Variants in STK4 observed in about 807,000 individuals in gnomAD.
The protein encoded by STK4 is serine/threonine kinase 4.
STK4 carries 30 observed loss-of-function variants against 64.9 expected under a neutral mutation model. The observed-to-expected ratio is 0.46, with a 90% CI of 0.35 to 0.63. The LOEUF is 0.63. STK4 is among the 20% of genes least tolerant of loss of function. STK4 has a pLI of 0.01. For synonymous variants in STK4, 177 were observed against 199.0 expected, an observed-to-expected ratio of 0.89 and a Z score of 0.93; for missense variants, 466 against 598.5, an observed-to-expected ratio of 0.78 and a Z score of 2.31.
intron 5 of STK4, among the ~76,000 whole-genome samples, chr20:44,987,982 T>C (rs1568693100): frequency 6.8e-6 from 1 of 147,398 alleles, no homozygotes; most frequent in Non-Finnish European, 1.5e-5. Flanking sequence ...TTTTTTATTA[T>C]TTTTTTTTTA....
rs568678038 is a variant in STK4 at position 45,005,048 on chromosome 20, G to A, written c.1147+3695G>A. ...GGCCTCCCAAAGTGCTGGGATTACA[G>A]GCATGAGCCACCGCGCCCAGCCTCC... On this transcript the variant is annotated intron_variant, in intron 9 of 10. Coordinates refer to ENST00000372806, the MANE Select transcript of STK4 (RefSeq NM_006282.5). 8.3e-4 allele frequency among the ~76,000 whole-genome samples: 127 copies of A among 152,120 alleles called. 1 individual carries two copies. The highest frequency in any genetic ancestry group is 4.1e-3 in the South Asian group (20 of 4,824).
At chr20:45,023,780 G>A (rs2068291616) in intron 9 of STK4, among the ~76,000 whole-genome samples, 1 of 151,856 alleles carries the variant, frequency 6.6e-6, no homozygotes, top group Non-Finnish European at 1.5e-5. Context: ...ATGGTTTGAG[G>A]CCCCATCTAA....
chr20:45,067,977 T>A (rs559579392), intron 10 of STK4, among the ~76,000 whole-genome samples: 1 of 152,320 alleles, frequency 6.6e-6, no homozygotes, highest in East Asian at 1.9e-4. Flanking sequence ...CAGCAGCTAT[T>A]ATTTACATTA....
At chr20:45,002,227 AC>A (rs2067854410) in intron 9 of STK4, among the ~76,000 whole-genome samples, 1 of 152,236 alleles carries the variant, frequency 6.6e-6, no homozygotes, top group African/African-American at 2.4e-5. Flanking sequence ...GTGTAATACA[AC>A]TAGGCCAACC....
rs186696696 is a variant in STK4, at chr20:45,009,860, T to C, written c.1147+8507T>C. Reference sequence around the variant, plus strand: ...CATTGTTTGTGTATAGAAATGCTACTGATTTTTGTACATTTTTTTATCCTG... The same window carrying C: ...CATTGTTTGTGTATAGAAATGCTACCGATTTTTGTACATTTTTTTATCCTG... On this transcript the variant is annotated intron_variant, in intron 9 of 10. Coordinates refer to ENST00000372806, the MANE Select transcript of STK4 (RefSeq NM_006282.5). 7.1e-3 allele frequency among the ~76,000 whole-genome samples: 1,074 copies of C among 152,304 alleles called. 9 individuals are homozygous for C. Among genetic ancestry groups the C allele is most frequent in the Middle Eastern group, 0.014 (4 of 294 alleles).
At chr20:44,972,309 T>C in intron 2 of STK4, 151 bp downstream of exon 2, 1 of 667,848 alleles carries the variant, frequency 1.5e-6, no homozygotes, top group Non-Finnish European at 2.7e-6. Context: ...TTTACTCCAA[T>C]CCCTATTATA....
At chr20:45,001,502 A>G (rs2067841335) in intron 9 of STK4, 149 bp downstream of exon 9, 2 of 946,612 alleles carry the variant, frequency 2.1e-6, no homozygotes, top group Non-Finnish European at 2.9e-6. Context: ...TGCGATGGGG[A>G]CAGGAGGTTT....
intron 10 of STK4, among the ~76,000 whole-genome samples, chr20:45,068,109 G>A (rs1183647623): frequency 2.6e-5 from 4 of 152,064 alleles, no homozygotes; most frequent in Non-Finnish European, 2.9e-5. Context: ...CCTCACAACC[G>A]CTGTTGTAGA....
rs577939954 is a variant in STK4 at position 45,030,650 on chromosome 20, G to A, written c.1305+5520G>A. Among the ~76,000 whole-genome samples, 3 of 152,206 alleles carry A rather than the reference G, an allele frequency of 2.0e-5. No individual in the cohort carries two copies. The South Asian group carries it at 6.2e-4, about 32-fold the overall frequency. On this transcript the variant is annotated intron_variant, in intron 10 of 10. Transcript: ENST00000372806. ...GTGAATTGCCTGTTTGCCAAGTTGA[G>A]AAACCCCTCCAAAAATTTCTAATAG...
Position 45,036,589 on chromosome 20 carries a change from C to A in STK4, c.1305+11459C>A, listed in dbSNP as rs1339820637. Reference sequence around the variant, plus strand: ...TCTTTTAAGAGAAGAGGTGAAAGTTCTTGACCAAAAATAAGGGGGGAAAAA... The same window carrying A: ...TCTTTTAAGAGAAGAGGTGAAAGTTATTGACCAAAAATAAGGGGGGAAAAA... On this transcript the variant is annotated intron_variant, in intron 10 of 10. Transcript: ENST00000372806. Among the ~76,000 whole-genome samples, 6 of 152,186 alleles carry A rather than the reference C, an allele frequency of 3.9e-5. No homozygotes were observed. The South Asian group carries it at 1.2e-3, about 32-fold the overall frequency.
At chr20:45,055,578 T>C (rs1278046713) in intron 10 of STK4, among the ~76,000 whole-genome samples, 1 of 152,152 alleles carries the variant, frequency 6.6e-6, no homozygotes, top group Non-Finnish European at 1.5e-5. Context: ...TCCTTGCTAC[T>C]GCACATTAAC....
At position 45,019,709 on chromosome 20, in the gene STK4, A is replaced by G. The variant is rs2068209071; in HGVS notation, c.1148-5264A>G. 3.3e-5 allele frequency among the ~76,000 whole-genome samples: 5 copies of G among 152,312 alleles called. No individual in the cohort carries two copies. In the South Asian group the frequency reaches 1.0e-3, roughly 32 times the overall value. Reference sequence around the variant, plus strand: ...TTTCTCTCTTCAGTCCATTCTTTCTACGGCTTTAGGTTTCTTGTATTATCA... The same window carrying G: ...TTTCTCTCTTCAGTCCATTCTTTCTGCGGCTTTAGGTTTCTTGTATTATCA... On this transcript the variant is annotated intron_variant, in intron 9 of 10. Coordinates refer to ENST00000372806, the MANE Select transcript of STK4 (RefSeq NM_006282.5).
chr20:45,011,825 ATC>A (rs2068056609), intron 9 of STK4, among the ~76,000 whole-genome samples: 1 of 149,168 alleles, frequency 6.7e-6, no homozygotes, highest in Non-Finnish European at 1.5e-5. Flanking sequence ...CCTGATATAG[ATC>A]AGGAATTTGT....
In STK4 at chr20:45,024,995, T is replaced by C. The variant is rs2068319036; in HGVS notation, c.1170T>C (p.Pro390=). 5 of 1,611,828 alleles carry C rather than the reference T, an allele frequency of 3.1e-6. No individual in the cohort carries two copies. Among genetic ancestry groups the C allele is most frequent in the Middle Eastern group, 1.7e-4 (1 of 6,052 alleles). ...CAGGAAGGGATGAGACCATGCAGCC[T>C]GCGAAACCATCCTTTCTTGAATATT... ...TMKRRDETMQ[P]AKPSFLEYFE... is the part of the protein sequence containing the mutation. The change falls in exon 10 of 11, where the codon CCT becomes CCC. Residue 390 remains proline (P), a synonymous_variant. Transcript: ENST00000372806.
intron 10 of STK4, among the ~76,000 whole-genome samples, chr20:45,030,014 C>G (rs1408163444): frequency 6.6e-6 from 1 of 151,916 alleles, no homozygotes; most frequent in Non-Finnish European, 1.5e-5. Flanking sequence ...AAATAAAGAG[C>G]TAGTCCTTTG....
In STK4 at chr20:45,075,177, G is replaced by A. The variant is rs756602209; in HGVS notation, c.*1G>A. The A allele has an allele frequency of 7.4e-6, 12 of 1,613,166 alleles. No individual in the cohort carries two copies. The South Asian group carries it at 1.1e-4, about 15-fold the overall frequency. On this transcript the variant is annotated 3_prime_UTR_variant, in exon 11 of 11. Transcript: ENST00000372806. ...GAAGAGACGGCAACAAAACTTCTGAGCAAGGCCAGGCTGTGAGGGCCCCAG... is the reference window on the plus strand; with the variant it reads ...GAAGAGACGGCAACAAAACTTCTGAACAAGGCCAGGCTGTGAGGGCCCCAG...
chr20:44,997,358 C>G (rs754395990), intron 7 of STK4, 52 bp downstream of exon 7: 4 of 1,537,390 alleles, frequency 2.6e-6, no homozygotes, highest in Admixed American at 2.1e-5. Context: ...ACTTGCTGAC[C>G]AAAAGATGCC....
intron 6 of STK4, among the ~76,000 whole-genome samples, 159 bp downstream of exon 6, chr20:44,995,416 GC>G (rs2067710377): frequency 6.6e-6 from 1 of 151,980 alleles, no homozygotes; most frequent in Non-Finnish European, 1.5e-5. Context: ...GACCAACCTG[GC>G]CAACATGGTG....
intron 9 of STK4, among the ~76,000 whole-genome samples, chr20:45,010,819 T>G (rs1052781366): frequency 2.6e-5 from 4 of 152,176 alleles, no homozygotes; most frequent in Non-Finnish European, 4.4e-5. Context: ...TTACTCTACA[T>G]ATGTCCTCAG....
Sources: allele counts gnomAD v4.1 joint callset (sites outside exome capture counted in the v4.1 genomes callset), GRCh38; gene constraint gnomAD v4.1.1; transcripts MANE v1.5; gene names NCBI Gene and HGNC (gene_info 2026-07-23, HGNC 2026-07-21).